PSD3: variants seen among roughly 807,000 people sequenced by gnomAD.
PSD3 encodes PH and SEC7 domain-containing protein 3.
PSD3 carries 49 observed loss-of-function variants against 105.5 expected under a neutral mutation model. The ratio of observed to expected loss-of-function variants is 0.46; its 90% CI spans 0.37 to 0.59. The LOEUF (loss-of-function observed/expected upper bound fraction) is 0.59. Among genes scored for constraint, PSD3 ranks in the 20% least tolerant of loss-of-function variants. The probability of loss-of-function intolerance (pLI) is 0.00; values close to 1 mark genes in which losing one functional copy is unlikely to be tolerated. For synonymous variants in PSD3, 557 were observed against 457.8 expected, an observed-to-expected ratio of 1.22 and a Z score of -2.77; for missense variants, 1,561 against 1,263.8, an observed-to-expected ratio of 1.24 and a Z score of -3.57.
At chr8:18,852,547 C>A (rs548962043) in intron 4 of PSD3, among the ~76,000 whole-genome samples, 10 of 152,346 alleles carry the variant, frequency 6.6e-5, no homozygotes, top group African/African-American at 2.4e-4. Context: ...GCCCTCCACA[C>A]TACATGAGCA....
intron 12 of PSD3, among the ~76,000 whole-genome samples, chr8:18,584,351 C>T (rs2130438072): frequency 6.6e-6 from 1 of 152,254 alleles, no homozygotes; most frequent in African/African-American, 2.4e-5. Flanking sequence ...GAGACCTCTC[C>T]CCACAACAGC....
At chr8:18,851,374 T>G (rs76661063) in intron 4 of PSD3, among the ~76,000 whole-genome samples, 1,617 of 152,236 alleles carry the variant, frequency 0.011, 31 homozygotes, top group African/African-American at 0.037. Context: ...AATATAACAA[T>G]AGACCAAAGG....
intron 9 of PSD3, among the ~76,000 whole-genome samples, chr8:18,682,754 C>G (rs905421492): frequency 2.0e-5 from 3 of 151,628 alleles, no homozygotes; most frequent in Non-Finnish European, 4.4e-5. Flanking sequence ...CAAAGTCTTT[C>G]AATAATGTTA....
intron 8 of PSD3, chr8:18,774,828 T>A: frequency 2.2e-6 from 1 of 453,026 alleles, no homozygotes; most frequent in Non-Finnish European, 4.4e-6. Context: ...GCGACATACA[T>A]CTGGGACAGG....
rs114590743 is a variant in PSD3, at chr8:18,692,971, G to A, written c.2173-37286C>T. On this transcript the variant is annotated intron_variant, in intron 9 of 15. Coordinates refer to ENST00000327040, the MANE Select transcript of PSD3 (RefSeq NM_015310.4). ...CCGGGGGTAGAATGTCCAGGTGGGA[G>A]TTTGGACTGGTACTAGCTCAACCTC... is the stretch of plus-strand genomic sequence containing the variant. Among the ~76,000 whole-genome samples the A allele has an allele frequency of 9.3e-3, 1,421 of 152,318 alleles. 15 individuals are homozygous for A. Among genetic ancestry groups the A allele is most frequent in the African/African-American group, 0.022 (916 of 41,562 alleles).
chr8:18,925,806 T>C (rs1821325755), intron 2 of PSD3, among the ~76,000 whole-genome samples: 1 of 152,180 alleles, frequency 6.6e-6, no homozygotes, highest in Non-Finnish European at 1.5e-5. Context: ...GCAGAAAGCC[T>C]CCTCATCCTT....
At chr8:18,663,149 C>T (rs910006088) in intron 9 of PSD3, among the ~76,000 whole-genome samples, 9 of 152,106 alleles carry the variant, frequency 5.9e-5, no homozygotes, top group African/African-American at 9.7e-5. Context: ...AAGTGAAGGC[C>T]GGGCGCAGTG....
At chr8:18,708,650 T>G (rs765841083) in intron 9 of PSD3, among the ~76,000 whole-genome samples, 1 of 152,130 alleles carries the variant, frequency 6.6e-6, no homozygotes, top group African/African-American at 2.4e-5. Flanking sequence ...CTCTATTTTC[T>G]ACTGCATTTT....
chr8:18,894,507 G>A (rs372676223), intron 2 of PSD3, among the ~76,000 whole-genome samples: 3 of 152,158 alleles, frequency 2.0e-5, no homozygotes, highest in East Asian at 3.8e-4. Flanking sequence ...AAAAGCAAAA[G>A]ATGTCAGTAA....
intron 3 of PSD3, among the ~76,000 whole-genome samples, chr8:18,869,626 A>G (rs1240882180): frequency 6.6e-6 from 1 of 152,196 alleles, no homozygotes; most frequent in Non-Finnish European, 1.5e-5. Context: ...TCTAGCTGGA[A>G]CATTCTTCCT....
At chr8:18,930,288 A>C (rs773433682) in intron 2 of PSD3, among the ~76,000 whole-genome samples, 1 of 152,190 alleles carries the variant, frequency 6.6e-6, no homozygotes, top group Admixed American at 6.5e-5. Flanking sequence ...ACTCCAGTGC[A>C]TACTGCATAC....
intron 1 of PSD3, among the ~76,000 whole-genome samples, chr8:19,030,226 C>T (rs1218850342): frequency 2.0e-5 from 3 of 152,158 alleles, no homozygotes; most frequent in Non-Finnish European, 4.4e-5. Flanking sequence ...TTTTGAGATA[C>T]TCATATGATT....
At chr8:18,995,281 T>G (rs1826015646) in intron 1 of PSD3, among the ~76,000 whole-genome samples, 1 of 152,104 alleles carries the variant, frequency 6.6e-6, no homozygotes, top group South Asian at 2.1e-4. Context: ...CCCTACATAA[T>G]GCAAATGAAA....
intron 2 of PSD3, among the ~76,000 whole-genome samples, chr8:18,931,638 C>T (rs1278320462): frequency 2.0e-5 from 3 of 152,176 alleles, no homozygotes; most frequent in Non-Finnish European, 2.9e-5. Context: ...ACTAGTGCCA[C>T]CCGACTCTTT....
rs1802209383 is a variant in PSD3, at chr8:18,572,574, T to A, written c.2738A>T (p.Lys913Met). 1.9e-6 allele frequency: 3 copies of A among 1,613,988 alleles called. No homozygotes were observed. The highest frequency in any genetic ancestry group is 3.3e-5 in the Admixed American group (2 of 60,002). The change falls in exon 14 of 16, where the codon AAG becomes ATG. Residue 913 changes from lysine to methionine, a missense_variant. Coordinates refer to ENST00000327040, the MANE Select transcript of PSD3 (RefSeq NM_015310.4). ...PFPAAIGSQK[K>M]FSRPLLPATT... Reference sequence around the variant, plus strand: ...GGCAGGCAGAAGTGGGCGGCTAAACTTCTTCTGAGAGCCGATTGCTGCTGG... The same window carrying A: ...GGCAGGCAGAAGTGGGCGGCTAAACATCTTCTGAGAGCCGATTGCTGCTGG...
At chr8:18,938,438 A>T (rs1417621046) in intron 1 of PSD3, among the ~76,000 whole-genome samples, 2 of 152,150 alleles carry the variant, frequency 1.3e-5, no homozygotes, top group African/African-American at 4.8e-5. Flanking sequence ...CCTGGCCAAC[A>T]TGGCAAAACC....
intron 2 of PSD3, among the ~76,000 whole-genome samples, chr8:18,910,562 C>T (rs1820144011): frequency 8.3e-6 from 1 of 119,882 alleles, no homozygotes; most frequent in Non-Finnish European, 1.7e-5. Context: ...GGGTGCAGCG[C>T]ACCAGCATGG....
At chr8:19,012,589 CT>C (rs1262836378) in intron 1 of PSD3, among the ~76,000 whole-genome samples, 1 of 152,182 alleles carries the variant, frequency 6.6e-6, no homozygotes, top group Non-Finnish European at 1.5e-5. Flanking sequence ...CTCTGAGATC[CT>C]CCATGGTAGC....
chr8:18,741,636 C>G (rs1480887094), intron 9 of PSD3, among the ~76,000 whole-genome samples: 4 of 152,012 alleles, frequency 2.6e-5, no homozygotes, highest in African/African-American at 9.7e-5. Flanking sequence ...ATGTCGGCAC[C>G]TTTGAAATGC....
Sources: gnomAD v4.1 joint callset for allele counts (sites outside exome capture counted in the v4.1 genomes callset) on GRCh38, gnomAD v4.1.1 for gene constraint, MANE v1.5 for transcripts, NCBI Gene and HGNC (gene_info 2026-07-23, HGNC 2026-07-21) for gene names.